The following WDR41 variants were observed in gnomAD, a reference collection of about 807,000 sequenced individuals.
The protein encoded by WDR41 is WD repeat-containing protein 41.
In WDR41, 63 loss-of-function variants were observed where a neutral mutation model predicts 69.3. That is an observed-to-expected ratio of 0.91 (90% CI 0.74 to 1.12). The LOEUF is 1.12. Among genes scored for constraint, WDR41 ranks in the 50% most tolerant of loss-of-function variants. The pLI is 0.00. For synonymous variants in WDR41, 185 were observed against 192.1 expected (o/e 0.96, Z 0.31); for missense variants, 543 against 534.5 (o/e 1.02, Z -0.16).
chr5:77,473,041 C>G (rs1800704904), intron 2 of WDR41, among the ~76,000 whole-genome samples: 1 of 151,860 alleles, frequency 6.6e-6, no homozygotes. Context: ...CTACAGTAAC[C>G]AAAACAGCAT....
At chr5:77,527,843 C>T (rs1581786653) in intron 1 of WDR41, among the ~76,000 whole-genome samples, 1 of 151,610 alleles carries the variant, frequency 6.6e-6, no homozygotes, top group South Asian at 2.1e-4. Context: ...AATGATATAA[C>T]AGCCAAAGAA....
chr5:77,529,084 A>AGATAAAACT (rs991441921), intron 1 of WDR41, among the ~76,000 whole-genome samples: 2 of 151,596 alleles, frequency 1.3e-5, no homozygotes, highest in African/African-American at 4.8e-5. Context: ...GGAAAGAAAG[A>AGATAAAACT]GATAAAACTG....
intron 5 of WDR41, 75 bp downstream of exon 5, chr5:77,458,987 G>A (rs898977489): frequency 9.8e-5 from 106 of 1,077,314 alleles, no homozygotes; most frequent in South Asian, 2.0e-4. Flanking sequence ...AAGTAATTTC[G>A]TCTAACTCTT....
chr5:77,617,962 C>T (rs192353431), intron 1 of WDR41, among the ~76,000 whole-genome samples: 1 of 152,150 alleles, frequency 6.6e-6, no homozygotes, highest in Admixed American at 6.5e-5. Flanking sequence ...GGAGATGTAA[C>T]TAGAACTGAG....
In WDR41 at chr5:77,432,508, G is replaced by A. The variant is rs1798763078; in HGVS notation, c.*627C>T. 6.6e-6 allele frequency: 1 copy of A among 152,272 alleles called. No homozygotes were observed. The highest frequency in any genetic ancestry group is 1.5e-5 in the Non-Finnish European group (1 of 68,036). The allele number at this position is 152,272 out of a possible 1,614,324, so 9.4% of individuals were successfully genotyped here. A position where few individuals can be genotyped will look rare whatever the true frequency, so the allele number is the denominator to read the frequency against. Reference sequence around the variant, plus strand: ...TTGTTCTAGTACCCATTTAGCCCATGGCTCTTCAAGCCAATTCACACTGGG... The same window carrying A: ...TTGTTCTAGTACCCATTTAGCCCATAGCTCTTCAAGCCAATTCACACTGGG... On this transcript the variant is annotated 3_prime_UTR_variant, in exon 13 of 13. Coordinates refer to ENST00000296679, the MANE Select transcript of WDR41 (RefSeq NM_018268.4).
At chr5:77,475,444 G>A (rs1800865873) in intron 2 of WDR41, among the ~76,000 whole-genome samples, 1 of 152,204 alleles carries the variant, frequency 6.6e-6, no homozygotes, top group African/African-American at 2.4e-5. Flanking sequence ...GAAGAGAGCA[G>A]TGGTTCTCCC....
intron 1 of WDR41, among the ~76,000 whole-genome samples, chr5:77,571,796 C>A (rs1039054070): frequency 6.6e-6 from 1 of 152,146 alleles, no homozygotes; most frequent in Non-Finnish European, 1.5e-5. Flanking sequence ...CGTCCAGGAG[C>A]AAGTGTCAAC....
At chr5:77,612,593 AC>A (rs1260162798) in intron 1 of WDR41, among the ~76,000 whole-genome samples, 1 of 152,150 alleles carries the variant, frequency 6.6e-6, no homozygotes, top group Admixed American at 6.5e-5. Context: ...AAATTCAACA[AC>A]CCTTCATACT....
intron 1 of WDR41, among the ~76,000 whole-genome samples, chr5:77,497,575 T>C (rs545685670): frequency 9.9e-4 from 151 of 152,290 alleles, no homozygotes; most frequent in African/African-American, 3.4e-3. Flanking sequence ...CTAGGATGCC[T>C]ATAATTTTTT....
At position 77,483,872 on chromosome 5, in the gene WDR41, T is replaced by C. The variant is rs371856960; in HGVS notation, c.167+5585A>G. Among the ~76,000 whole-genome samples the C allele has an allele frequency of 1.4e-3, 216 of 152,332 alleles. 2 individuals carry two copies. Among genetic ancestry groups the C allele is most frequent in the Non-Finnish European group, 2.1e-3 (141 of 68,034 alleles). The stretch of plus-strand genomic sequence containing the variant: ...GAGTTCTCTTTTTTAAGTATCATTA[T>C]GAACACATGGATTTAAACATATGTG... On this transcript the variant is annotated intron_variant, in intron 2 of 12. Transcript: ENST00000296679.
chr5:77,620,356 T>G (rs1744758331), intron 1 of WDR41: 2 of 383,164 alleles, frequency 5.2e-6, no homozygotes, highest in Admixed American at 6.2e-5. Context: ...TTAGTCAAAA[T>G]GTAAATGATC....
chr5:77,620,414 G>T (rs1744759196), intron 1 of WDR41: 2 of 455,378 alleles, frequency 4.4e-6, no homozygotes, highest in Admixed American at 2.4e-5. Context: ...GAAAGATAAG[G>T]TCCTATGACC....
At chr5:77,482,917 C>G (rs1292683230) in intron 2 of WDR41, among the ~76,000 whole-genome samples, 2 of 151,510 alleles carry the variant, frequency 1.3e-5, no homozygotes, top group Non-Finnish European at 2.9e-5. Context: ...GAACCTCCAC[C>G]CCCACTCCCA....
chr5:77,450,167 T>C (rs895705595), intron 7 of WDR41, among the ~76,000 whole-genome samples: 8 of 152,190 alleles, frequency 5.3e-5, no homozygotes, highest in African/African-American at 1.9e-4. Context: ...TGTCTTGTTA[T>C]CTCAACTCAC....
intron 1 of WDR41, among the ~76,000 whole-genome samples, chr5:77,560,670 A>G (rs1449003217): frequency 1.3e-5 from 2 of 152,306 alleles, no homozygotes; most frequent in East Asian, 1.9e-4. Flanking sequence ...GGTTTTCCTG[A>G]CTAGTGATTC....
chr5:77,547,103 G>A (rs925806587), intron 1 of WDR41, among the ~76,000 whole-genome samples: 2 of 152,036 alleles, frequency 1.3e-5, no homozygotes, highest in African/African-American at 4.8e-5. Context: ...AGCAAAATCA[G>A]CATACAAGGA....
At chr5:77,598,156 T>A (rs527259089) in intron 1 of WDR41, among the ~76,000 whole-genome samples, 1 of 152,374 alleles carries the variant, frequency 6.6e-6, no homozygotes, top group East Asian at 1.9e-4. Context: ...ACAGGTTAAA[T>A]GCTAGTGTCT....
intron 8 of WDR41, among the ~76,000 whole-genome samples, chr5:77,447,185 G>A (rs1403044516): frequency 6.6e-6 from 1 of 152,202 alleles, no homozygotes; most frequent in East Asian, 1.9e-4. Context: ...CTGATCATTA[G>A]AGAAATGCAA....
chr5:77,441,278 A>C lies in WDR41; in HGVS notation c.698-281T>G, dbSNP rs1799152705. Among the ~76,000 whole-genome samples the C allele has an allele frequency of 2.6e-5, 4 of 152,232 alleles. No individual in the cohort carries two copies. The South Asian group carries it at 8.3e-4, about 32-fold the overall frequency. Reference sequence around the variant, plus strand: ...TACATTTAAGGGGAATAAAAGTAAAAGAACCTTATCTTGTACCATACACCA... The same window carrying C: ...TACATTTAAGGGGAATAAAAGTAAACGAACCTTATCTTGTACCATACACCA... On this transcript the variant is annotated intron_variant, in intron 8 of 12. Coordinates refer to ENST00000296679, the MANE Select transcript of WDR41 (RefSeq NM_018268.4).
Sources: gnomAD v4.1 joint callset for allele counts (sites outside exome capture counted in the v4.1 genomes callset) on GRCh38, gnomAD v4.1.1 for gene constraint, MANE v1.5 for transcripts, NCBI Gene and HGNC (gene_info 2026-07-23, HGNC 2026-07-21) for gene names.